MOV10L1: variants seen among roughly 807,000 people sequenced by gnomAD.
The protein encoded by MOV10L1 is Mov10 like RNA helicase 1, also known as RNA helicase Mov10l1.
Under a neutral mutation model 143.8 loss-of-function variants are expected in MOV10L1, and 110 were observed. That is an observed-to-expected ratio of 0.76 (90% CI 0.66 to 0.90). The LOEUF (loss-of-function observed/expected upper bound fraction) is 0.90. Among genes scored for constraint, MOV10L1 ranks in the 40% least tolerant of loss-of-function variants. MOV10L1 has a pLI of 0.00. For synonymous variants in MOV10L1, 593 were observed against 581.1 expected (o/e 1.02, Z -0.29); for missense variants, 1,406 against 1,526.8 (o/e 0.92, Z 1.32).
chr22:50,092,182 CAG>C lies in MOV10L1; in HGVS notation c.280_281del (p.Arg94GlyfsTer6). On this transcript the variant is annotated frameshift_variant and splice_region_variant, in exon 2 of 27. Coordinates refer to ENST00000262794, the MANE Select transcript of MOV10L1 (RefSeq NM_018995.3). LOFTEE classifies it high-confidence loss of function. ...NKVSNGLKAI[R>X]VEAVSDKWED... Reference sequence around the variant, plus strand: ...AAGTGTCCAATGGACTGAAAGCAATCAGGGTAAGGTTTGAGTTCATTTGGGAA... The same window carrying C: ...AAGTGTCCAATGGACTGAAAGCAATCGGTAAGGTTTGAGTTCATTTGGGAA... 6.2e-7 allele frequency: 1 copy of C among 1,612,878 alleles called. No individual in the cohort carries two copies. Among genetic ancestry groups the C allele is most frequent in the Non-Finnish European group, 8.5e-7 (1 of 1,179,446 alleles).
intron 26 of MOV10L1, 131 bp downstream of exon 26, chr22:50,161,186 C>T (rs762573698): frequency 1.2e-4 from 136 of 1,089,410 alleles, no homozygotes; most frequent in Non-Finnish European, 1.6e-4. Flanking sequence ...CCACCGTCCT[C>T]ACCTCATCCT....
At chr22:50,133,774 C>T (rs1004187882) in intron 13 of MOV10L1, among the ~76,000 whole-genome samples, 6 of 152,072 alleles carry the variant, frequency 3.9e-5, no homozygotes, top group African/African-American at 1.4e-4. Context: ...GAACTCCTGA[C>T]CTCAGGTGAT....
chr22:50,114,196 C>G (rs774508867), intron 6 of MOV10L1, among the ~76,000 whole-genome samples, 185 bp from the exon 7 acceptor site: 1 of 152,102 alleles, frequency 6.6e-6, no homozygotes, highest in Non-Finnish European at 1.5e-5. Flanking sequence ...GGACTACAGG[C>G]GTGAGACACC....
At chr22:50,112,711 T>C (rs1050774817) in intron 5 of MOV10L1, among the ~76,000 whole-genome samples, 2 of 152,306 alleles carry the variant, frequency 1.3e-5, no homozygotes, top group African/African-American at 4.8e-5. Flanking sequence ...AAACAGATCA[T>C]GTGCCAAGCG....
intron 10 of MOV10L1, among the ~76,000 whole-genome samples, chr22:50,123,464 A>C (rs1316040172): frequency 6.6e-6 from 1 of 152,082 alleles, no homozygotes; most frequent in Non-Finnish European, 1.5e-5. Flanking sequence ...TCCTGGGCTC[A>C]AGCAATCCTC....
intron 5 of MOV10L1, among the ~76,000 whole-genome samples, chr22:50,111,473 G>A (rs936943544): frequency 6.3e-5 from 9 of 142,488 alleles, no homozygotes; most frequent in East Asian, 2.1e-4. Flanking sequence ...GTGGGGTCCC[G>A]ACTCTGTCTT....
intron 9 of MOV10L1, among the ~76,000 whole-genome samples, chr22:50,119,410 C>T (rs1256840319): frequency 2.0e-5 from 3 of 152,124 alleles, no homozygotes; most frequent in Non-Finnish European, 4.4e-5. Flanking sequence ...CCCCCAGTGC[C>T]AGGCAACTTT....
rs991044591 is a variant in MOV10L1, at chr22:50,152,151, C to T, written c.2893-894C>T. ...ATCTGGCGAGTAACAGACAGCACTG[C>T]AGGAACACAGGTTTTCACCAACAGG... On this transcript the variant is annotated intron_variant, in intron 21 of 26. Coordinates refer to ENST00000262794, the MANE Select transcript of MOV10L1 (RefSeq NM_018995.3). This position sits in a 1 kb window ranked among gnomAD's most constrained non-coding sequence, Gnocchi z 4.4. Among the ~76,000 whole-genome samples, 1 of 152,226 alleles carries T rather than the reference C, an allele frequency of 6.6e-6. No individual in the cohort carries two copies. The highest frequency in any genetic ancestry group is 2.4e-5 in the African/African-American group (1 of 41,456).
chr22:50,150,914 C>T lies in MOV10L1; in HGVS notation c.2892+15C>T, dbSNP rs750316384. 5 of 1,613,910 alleles carry T rather than the reference C, an allele frequency of 3.1e-6. No homozygotes were observed. Among genetic ancestry groups the T allele is most frequent in the Non-Finnish European group, 4.2e-6 (5 of 1,179,904 alleles). On this transcript the variant is annotated intron_variant, in intron 21 of 26. Coordinates refer to ENST00000262794, the MANE Select transcript of MOV10L1 (RefSeq NM_018995.3). ...ATCCCCTGTTGGTGAGTCACAGACT[C>T]CAGCGCGTTCAGGTCCCCAGCTAAG...
chr22:50,102,294 A>G (rs1409195547), intron 3 of MOV10L1, among the ~76,000 whole-genome samples: 1 of 152,260 alleles, frequency 6.6e-6, no homozygotes, highest in Non-Finnish European at 1.5e-5. Context: ...GAGATCAGCA[A>G]ACCGGTCAAG....
intron 19 of MOV10L1, among the ~76,000 whole-genome samples, chr22:50,147,720 T>C (rs2063190641): frequency 1.3e-5 from 2 of 152,234 alleles, no homozygotes; most frequent in Non-Finnish European, 2.9e-5. Flanking sequence ...AAAAGTGACA[T>C]TAAATAACTG....
At position 50,090,431 on chromosome 22, in the gene MOV10L1, C is replaced by T. The variant is rs776094426; in HGVS notation, c.97+246C>T. Reference sequence around the variant, plus strand: ...GGTGACACCAGCCCCTCTTCCCGCCCTCACTTTGTGTGTTTACGCCGAGCA... The same window carrying T: ...GGTGACACCAGCCCCTCTTCCCGCCTTCACTTTGTGTGTTTACGCCGAGCA... On this transcript the variant is annotated intron_variant, in intron 1 of 26. Coordinates refer to ENST00000262794, the MANE Select transcript of MOV10L1 (RefSeq NM_018995.3). 6.0e-4 allele frequency: 961 copies of T among 1,596,936 alleles called. 1 individual carries two copies. Among genetic ancestry groups the T allele is most frequent in the Non-Finnish European group, 7.7e-4 (899 of 1,171,880 alleles).
At chr22:50,116,762 G>A (rs1046533434) in intron 8 of MOV10L1, among the ~76,000 whole-genome samples, 1 of 147,602 alleles carries the variant, frequency 6.8e-6, no homozygotes, top group Non-Finnish European at 1.5e-5. Context: ...ACCTCCCTAG[G>A]CTCCCACCTC....
At chr22:50,103,170 G>A (rs1310069733) in intron 3 of MOV10L1, among the ~76,000 whole-genome samples, 1 of 152,220 alleles carries the variant, frequency 6.6e-6, no homozygotes, top group African/African-American at 2.4e-5. Context: ...TGGTTGTAGC[G>A]TGGGAGGGAG....
intron 19 of MOV10L1, chr22:50,146,886 TG>T (rs1427150264): frequency 3.3e-6 from 2 of 599,124 alleles, no homozygotes; most frequent in African/African-American, 1.9e-5. Context: ...ACATTTTTTT[TG>T]GTTCAAGTCT....
Position 50,090,099 on chromosome 22 carries a change from T to A in MOV10L1, c.11T>A (p.Leu4His). The A allele has an allele frequency of 7.4e-7, 1 of 1,350,944 alleles. No homozygotes were observed. The highest frequency in any genetic ancestry group is 2.0e-5 in the South Asian group (1 of 50,392). The allele number at this position is 1,350,944 out of a possible 1,614,324, so 83.7% of individuals were successfully genotyped here. A position where few individuals can be genotyped will look rare whatever the true frequency, so the allele number is the denominator to read the frequency against. MLS[L>H]AAKLVAFFWR... Reference sequence around the variant, plus strand: ...GGCCGGGCGAGGGCCATGCTGAGCCTCGCAGCCAAGCTGGTGGCCTTCTTC... The same window carrying A: ...GGCCGGGCGAGGGCCATGCTGAGCCACGCAGCCAAGCTGGTGGCCTTCTTC... Residue 4 changes from leucine to histidine, a missense_variant, in exon 1 of 27, where the codon CTC becomes CAC. By Grantham distance (99) the Leu-to-His change is moderately conservative. This residue lies in a region of MOV10L1 where 166 missense variants were observed against 153.9 expected (regional missense o/e 1.08). Transcript: ENST00000262794.
chr22:50,143,437 T>TAA (rs2063047665), intron 17 of MOV10L1: 1 of 565,370 alleles, frequency 1.8e-6, no homozygotes, highest in Admixed American at 3.0e-5. Flanking sequence ...TTTAGCCTGG[T>TAA]AAACTATTTT....
At chr22:50,141,984 C>G in intron 15 of MOV10L1, 97 bp from the exon 16 acceptor site, 1 of 826,968 alleles carries the variant, frequency 1.2e-6, no homozygotes, top group Non-Finnish European at 1.8e-6. Flanking sequence ...AATAAATATA[C>G]TAAGTAGAAC....
chr22:50,102,341 C>T (rs528190074), intron 3 of MOV10L1, among the ~76,000 whole-genome samples: 13 of 152,312 alleles, frequency 8.5e-5, no homozygotes, highest in African/African-American at 3.1e-4. Context: ...ACAGGATGGT[C>T]GTACCACGTA....
Sources: gnomAD v4.1 joint callset for allele counts (sites outside exome capture counted in the v4.1 genomes callset) on GRCh38, gnomAD v4.1.1 for gene constraint, gnomAD v4.1.1 regional missense constraint, Gnocchi (gnomAD v3.1) non-coding constraint, MANE v1.5 for transcripts, NCBI Gene and HGNC (gene_info 2026-07-23, HGNC 2026-07-21) for gene names.